The following TRABD2A variants were observed in gnomAD, a reference collection of about 807,000 sequenced individuals.
TRABD2A encodes TraB domain containing 2A, also known as metalloprotease TIKI1.
TRABD2A carries 43 observed loss-of-function variants against 45.6 expected under a neutral mutation model. That is an observed-to-expected ratio of 0.94 (90% CI 0.74 to 1.22). The LOEUF (loss-of-function observed/expected upper bound fraction) is 1.22. Among genes scored for constraint, TRABD2A ranks in the 50% most tolerant of loss-of-function variants. The probability of loss-of-function intolerance (pLI) is 0.00; values close to 1 mark genes in which losing one functional copy is unlikely to be tolerated. For synonymous variants in TRABD2A, 269 were observed against 265.0 expected, an observed-to-expected ratio of 1.02 and a Z score of -0.15; for missense variants, 642 against 652.4, an observed-to-expected ratio of 0.98 and a Z score of 0.17.
chr2:84,827,394 T>G (rs1459557538), intron 5 of TRABD2A, among the ~76,000 whole-genome samples: 3 of 152,210 alleles, frequency 2.0e-5, no homozygotes, highest in Non-Finnish European at 4.4e-5. Flanking sequence ...TAACCTATCC[T>G]ACCTCATTGC....
chr2:84,872,655 A>C (rs549397146), intron 1 of TRABD2A, among the ~76,000 whole-genome samples: 2 of 152,238 alleles, frequency 1.3e-5, no homozygotes, highest in Non-Finnish European at 2.9e-5. Context: ...GTTTCTATCT[A>C]CAGGCAATTC....
At chr2:84,834,174 C>T (rs1333350907) in intron 4 of TRABD2A, 2 of 152,236 alleles carry the variant, frequency 1.3e-5, no homozygotes, top group African/African-American at 4.8e-5. Flanking sequence ...CTGGGGTCTG[C>T]ACCACTGTTA....
chr2:84,849,509 A>G (rs1263957338), intron 2 of TRABD2A: 1 of 152,212 alleles, frequency 6.6e-6, no homozygotes, highest in Non-Finnish European at 1.5e-5. Context: ...ATTGCTGCAT[A>G]TAAACCAAGC....
chr2:84,879,696 C>T lies in TRABD2A; in HGVS notation c.108+1236G>A, dbSNP rs529000479. On this transcript the variant is annotated intron_variant, in intron 1 of 6. Transcript: ENST00000409520. ...CCTTGTCTAACAAGCATGAAGCGGC[C>T]ACACCGCAACAGAGTTTGAAACCAT... is the stretch of plus-strand genomic sequence containing the variant. The T allele has an allele frequency of 1.1e-5, 8 of 705,412 alleles. No homozygotes were observed. In the Admixed American group the frequency reaches 3.1e-4, roughly 28 times the overall value. 43.7% of individuals were successfully genotyped at this position (705,412 alleles called of 1,614,324 possible).
At position 84,861,312 on chromosome 2, in the gene TRABD2A, G is replaced by C. The variant is rs1236009748; in HGVS notation, c.669+8913C>G. The stretch of plus-strand genomic sequence containing the variant: ...AAAGAATTCTACAACTCTCCATAGA[G>C]TAGAATCCGTAGGAGCCCTGAGCTT... On this transcript the variant is annotated intron_variant, in intron 2 of 6. Transcript: ENST00000409520. Among the ~76,000 whole-genome samples, 87 of 152,156 alleles carry C rather than the reference G, an allele frequency of 5.7e-4. 2 individuals carry two copies. Among genetic ancestry groups the C allele is most frequent in the Admixed American group, 5.5e-3 (84 of 15,282 alleles).
chr2:84,870,661 A>G lies in TRABD2A; in HGVS notation c.233T>C (p.Phe78Ser). ...AAAGTACACAATGCTGCTCTGCAGG[A>G]AAGCCTCCTTAGAGTTGTCGGGGAT... ...DFIPDNSKEA[F>S]LQSSIVYFEL... Residue 78 changes from phenylalanine to serine, a missense_variant, in exon 2 of 7, where the codon TTC (phenylalanine) becomes TCC (serine). Transcript: ENST00000409520. The G allele has an allele frequency of 1.2e-6, 2 of 1,610,848 alleles. No homozygotes were observed. Among genetic ancestry groups the G allele is most frequent in the South Asian group, 2.2e-5 (2 of 90,342 alleles).
chr2:84,854,537 G>A (rs1257804408), intron 2 of TRABD2A, among the ~76,000 whole-genome samples: 1 of 152,088 alleles, frequency 6.6e-6, no homozygotes, highest in Non-Finnish European at 1.5e-5. Flanking sequence ...CTAGGAAATG[G>A]GGGAGCCAGG....
At chr2:84,877,774 G>A (rs754038458) in intron 1 of TRABD2A, among the ~76,000 whole-genome samples, 4 of 152,158 alleles carry the variant, frequency 2.6e-5, no homozygotes, top group Non-Finnish European at 4.4e-5. Context: ...GTAACACCCA[G>A]CACACCCTCA....
At chr2:84,877,351 A>T (rs574365182) in intron 1 of TRABD2A, among the ~76,000 whole-genome samples, 19 of 152,328 alleles carry the variant, frequency 1.2e-4, no homozygotes, top group African/African-American at 3.8e-4. Context: ...TGGCAATTAG[A>T]AGAAGCCATA....
Position 84,832,048 on chromosome 2 carries a change from C to G in TRABD2A, c.1082+7G>C. On this transcript the variant is annotated splice_region_variant and intron_variant, in intron 5 of 6. Transcript: ENST00000409520. ...CCCCAGCCAAGATAGAAGCACAGGACGGTTACTTGTGGATGGGTCGTCCAG... is the reference window on the plus strand; with the variant it reads ...CCCCAGCCAAGATAGAAGCACAGGAGGGTTACTTGTGGATGGGTCGTCCAG... 6.2e-7 allele frequency: 1 copy of G among 1,613,948 alleles called. No homozygotes were observed. The highest frequency in any genetic ancestry group is 8.5e-7 in the Non-Finnish European group (1 of 1,179,856).
Position 84,824,184 on chromosome 2 carries a change from G to T in TRABD2A, c.1103C>A (p.Ser368Tyr), listed in dbSNP as rs778772598. 1.9e-6 allele frequency: 3 copies of T among 1,613,866 alleles called. No homozygotes were observed. In the Admixed American group the frequency reaches 5.0e-5, roughly 27 times the overall value. ...PIHKGKSKKT[S>Y]TRPTLSTIFA... ...GATGGTGGACAGAGTGGGCCGTGTG[G>T]AGGTCTTTTTACTCTTCCCTCTGTA... is the stretch of plus-strand genomic sequence containing the variant. The change falls in exon 6 of 7, where the codon TCC becomes TAC. Residue 368 changes from serine (S) to tyrosine (Y), a missense_variant. By Grantham distance (144) the Ser-to-Tyr change is moderately radical. Coordinates refer to ENST00000409520, the MANE Select transcript of TRABD2A (RefSeq NM_001277053.2).
At chr2:84,866,210 A>C (rs1682672826) in intron 2 of TRABD2A, among the ~76,000 whole-genome samples, 1 of 152,220 alleles carries the variant, frequency 6.6e-6, no homozygotes, top group African/African-American at 2.4e-5. Flanking sequence ...ACTGCGGCCA[A>C]ACTGGAAAGA....
chr2:84,859,367 T>A (rs1382218730), intron 2 of TRABD2A, among the ~76,000 whole-genome samples: 1 of 152,234 alleles, frequency 6.6e-6, no homozygotes, highest in African/African-American at 2.4e-5. Flanking sequence ...GGCACTATGC[T>A]AGACCCATAC....
intron 2 of TRABD2A, among the ~76,000 whole-genome samples, chr2:84,853,373 A>G (rs1276618304): frequency 2.6e-5 from 4 of 152,194 alleles, no homozygotes; most frequent in Non-Finnish European, 5.9e-5. Context: ...GAGGAAGCAA[A>G]CATGTCCTTC....
At chr2:84,824,550 T>C (rs1475387832) in intron 5 of TRABD2A, among the ~76,000 whole-genome samples, 1 of 109,910 alleles carries the variant, frequency 9.1e-6, no homozygotes, top group Non-Finnish European at 1.8e-5. Flanking sequence ...TTATAGCTTT[T>C]TTTTTTTTTT....
In TRABD2A at chr2:84,870,521, G is replaced by C. The variant is rs763234862; in HGVS notation, c.373C>G (p.Arg125Gly). ...ATGAGCTTGACATACTCCAGGTGGC[G>C]CTTGAGGCGGCAGTAGATGTCCCTG... Reference protein sequence around the residue: ...LPRDIYCRLKRHLEYVKLMMP... With the variant: ...LPRDIYCRLKGHLEYVKLMMP... The change falls in exon 2 of 7, where the codon CGC (arginine) becomes GGC (glycine). Residue 125 changes from arginine to glycine, a missense_variant. Arg to Gly is a moderately radical substitution (Grantham distance 125). Transcript: ENST00000409520. 4.3e-6 allele frequency: 7 copies of C among 1,613,886 alleles called. No individual in the cohort carries two copies. The highest frequency in any genetic ancestry group is 1.3e-5 in the African/African-American group (1 of 74,910).
intron 2 of TRABD2A, among the ~76,000 whole-genome samples, chr2:84,857,677 A>G (rs561625810): frequency 2.6e-4 from 40 of 152,196 alleles, no homozygotes; most frequent in African/African-American, 9.6e-4. Flanking sequence ...AAGCAACTCA[A>G]TAAGTCAAAT....
rs187437946 is a variant in TRABD2A, at chr2:84,859,952, G to C, written c.669+10273C>G. On this transcript the variant is annotated intron_variant, in intron 2 of 6. Coordinates refer to ENST00000409520, the MANE Select transcript of TRABD2A (RefSeq NM_001277053.2). ...TCTCATTTATTTTTTGGAGAGATGG[G>C]GGGGGGTCTCACTATGTTGTCCAGG... Among the ~76,000 whole-genome samples, 1,044 of 152,110 alleles carry C rather than the reference G, an allele frequency of 6.9e-3. 13 individuals are homozygous for C. The highest frequency in any genetic ancestry group is 0.024 in the African/African-American group (1,000 of 41,476).
At chr2:84,828,567 CTTTGGAGACCT>C (rs1681214952) in intron 5 of TRABD2A, among the ~76,000 whole-genome samples, 1 of 152,194 alleles carries the variant, frequency 6.6e-6, no homozygotes, top group Non-Finnish European at 1.5e-5. Flanking sequence ...ACAGGAGCTC[CTTTGGAGACCT>C]CATCCTCCCT....
Sources: allele counts gnomAD v4.1 joint callset (sites outside exome capture counted in the v4.1 genomes callset), GRCh38; gene constraint gnomAD v4.1.1; transcripts MANE v1.5; gene names NCBI Gene and HGNC (gene_info 2026-07-23, HGNC 2026-07-21).